Variants in EYS observed in about 807,000 individuals in gnomAD.
The protein encoded by EYS is protein eyes shut homolog.
EYS carries 250 observed loss-of-function variants against 282.1 expected under a neutral mutation model. That is an observed-to-expected ratio of 0.89 (90% CI 0.80 to 0.98). EYS has a LOEUF of 0.98. Ranked by LOEUF, EYS falls within the 50% of genes least tolerant of loss-of-function variation. The pLI, the probability that EYS is intolerant of heterozygous loss-of-function variation, is 0.00. For missense variants in EYS, 4,016 were observed against 3,709.0 expected, an observed-to-expected ratio of 1.08 and a Z score of -2.15; for synonymous variants, 1,355 against 1,282.9, an observed-to-expected ratio of 1.06 and a Z score of -1.20.
intron 2 of EYS, among the ~76,000 whole-genome samples, chr6:65,621,198 G>C: frequency 6.6e-6 from 1 of 152,136 alleles, no homozygotes; most frequent in Non-Finnish European, 1.5e-5. Flanking sequence ...AAGTCTCTTT[G>C]TAGGTCGCTC....
At chr6:64,634,238 T>A (rs1480688940) in intron 22 of EYS, among the ~76,000 whole-genome samples, 3 of 152,176 alleles carry the variant, frequency 2.0e-5, no homozygotes, top group Admixed American at 6.5e-5. Context: ...TGCCTTGGCC[T>A]CCCAAAGTGT....
rs567616164 is a variant in EYS, at chr6:64,269,953, C to T, written c.6191+37017G>A. 2.0e-5 allele frequency among the ~76,000 whole-genome samples: 3 copies of T among 152,046 alleles called. No homozygotes were observed. The South Asian group carries it at 6.2e-4, about 31-fold the overall frequency. ...TTTTTTAAAAAGCTCTGTTATAATT[C>T]TTTACAAAGGTCCAAAAGAAAACAT... On this transcript the variant is annotated intron_variant, in intron 30 of 42. Coordinates refer to ENST00000503581, the MANE Select transcript of EYS (RefSeq NM_001142800.2).
chr6:63,893,531 A>C (rs1773460089), intron 35 of EYS, among the ~76,000 whole-genome samples: 1 of 152,138 alleles, frequency 6.6e-6, no homozygotes. Context: ...AACAATGAGG[A>C]CATATGAGCA....
At chr6:64,180,293 G>A (rs1192097294) in intron 31 of EYS, among the ~76,000 whole-genome samples, 1 of 152,076 alleles carries the variant, frequency 6.6e-6, no homozygotes, top group Non-Finnish European at 1.5e-5. Context: ...GAATGCTTGT[G>A]TTTCATACAT....
At chr6:64,291,384 A>G (rs527661995) in intron 30 of EYS, among the ~76,000 whole-genome samples, 1 of 152,238 alleles carries the variant, frequency 6.6e-6, no homozygotes, top group East Asian at 1.9e-4. Flanking sequence ...ATCATATAGG[A>G]TTATATTTGT....
At chr6:64,997,164 T>C (rs760323514) in intron 14 of EYS, among the ~76,000 whole-genome samples, 3 of 152,080 alleles carry the variant, frequency 2.0e-5, no homozygotes, top group Admixed American at 1.3e-4. Flanking sequence ...TGGAAATATG[T>C]AATATGAGAT....
chr6:64,271,392 T>G (rs895129163), intron 30 of EYS, among the ~76,000 whole-genome samples: 1 of 152,210 alleles, frequency 6.6e-6, no homozygotes, highest in Admixed American at 6.5e-5. Flanking sequence ...GTTACAAATA[T>G]GTCCTACCAA....
At chr6:64,386,469 T>C (rs778560612) in intron 29 of EYS, among the ~76,000 whole-genome samples, 9 of 152,102 alleles carry the variant, frequency 5.9e-5, no homozygotes, top group Non-Finnish European at 1.2e-4. Flanking sequence ...ACTTATTCAC[T>C]ACCAGGAGAA....
chr6:65,654,623 G>A (rs1490730595), intron 1 of EYS, among the ~76,000 whole-genome samples: 1 of 151,704 alleles, frequency 6.6e-6, no homozygotes, highest in Non-Finnish European at 1.5e-5. Context: ...GGTGTCAAAA[G>A]GTTACAGAGA....
At chr6:65,698,468 A>C (rs1384987453) in intron 1 of EYS, among the ~76,000 whole-genome samples, 1 of 152,186 alleles carries the variant, frequency 6.6e-6, no homozygotes, top group Non-Finnish European at 1.5e-5. Context: ...TTGAATTATA[A>C]ATCAAAAAGA....
At chr6:64,599,245 C>T (rs983502044) in intron 24 of EYS, among the ~76,000 whole-genome samples, 3 of 151,950 alleles carry the variant, frequency 2.0e-5, no homozygotes, top group Middle Eastern at 3.2e-3. Context: ...AGCTTGGATT[C>T]GGGGGAAGAA....
At chr6:64,600,029 G>A (rs764904650) in intron 24 of EYS, among the ~76,000 whole-genome samples, 9 of 152,008 alleles carry the variant, frequency 5.9e-5, no homozygotes, top group Admixed American at 1.3e-4. Context: ...TCACTCTATT[G>A]ACAGTAACAT....
In EYS at chr6:63,930,333, T is replaced by C. The variant is rs145414585; in HGVS notation, c.7055+54050A>G. 1.8e-3 allele frequency among the ~76,000 whole-genome samples: 225 copies of C among 122,838 alleles called. 3 individuals carry two copies. The highest frequency in any genetic ancestry group is 6.6e-3 in the African/African-American group (216 of 32,798). The allele number at this position is 122,838 out of a possible 152,430, so 80.6% of individuals were successfully genotyped here. A position where few individuals can be genotyped will look rare whatever the true frequency, so the allele number is the denominator to read the frequency against. ...AGTGTCAAGGTTGATCACGTTTACA[T>C]TCAGTTTTGTAACCTTGATTCAGTT... On this transcript the variant is annotated intron_variant, in intron 35 of 42. Coordinates refer to ENST00000503581, the MANE Select transcript of EYS (RefSeq NM_001142800.2).
At chr6:64,950,513 C>T (rs539267977) in intron 14 of EYS, among the ~76,000 whole-genome samples, 2 of 151,156 alleles carry the variant, frequency 1.3e-5, no homozygotes, top group South Asian at 4.2e-4. Flanking sequence ...ATTTAAAATA[C>T]ATTATATAGT....
chr6:64,168,647 GA>G (rs1425436625), intron 31 of EYS, among the ~76,000 whole-genome samples: 1 of 152,150 alleles, frequency 6.6e-6, no homozygotes, highest in African/African-American at 2.4e-5. Context: ...AGCCAGATAT[GA>G]AATACCACAT....
intron 19 of EYS, among the ~76,000 whole-genome samples, chr6:64,827,520 T>A (rs189443091): frequency 4.0e-5 from 6 of 151,858 alleles, no homozygotes; most frequent in Admixed American, 3.3e-4. Flanking sequence ...ACTGAACACA[T>A]CTAAATTGTG....
chr6:63,750,103 A>G (rs1274851408), intron 41 of EYS, among the ~76,000 whole-genome samples: 1 of 152,090 alleles, frequency 6.6e-6, no homozygotes, highest in Non-Finnish European at 1.5e-5. Flanking sequence ...TCTGTTTTTT[A>G]ATATAGTTTA....
intron 12 of EYS, among the ~76,000 whole-genome samples, chr6:65,130,383 T>C (rs572774198): frequency 6.6e-6 from 1 of 152,046 alleles, no homozygotes; most frequent in South Asian, 2.1e-4. Context: ...CATACATATT[T>C]GAAATATTTA....
chr6:64,099,559 C>T lies in EYS; in HGVS notation c.6425-17557G>A, dbSNP rs11961165. Among the ~76,000 whole-genome samples the T allele has an allele frequency of 5.3e-3, 813 of 152,158 alleles. 5 individuals carry two copies. Among genetic ancestry groups the T allele is most frequent in the African/African-American group, 0.018 (744 of 41,522 alleles). On this transcript the variant is annotated intron_variant, in intron 31 of 42. Transcript: ENST00000503581. ...TTTGCCAAGTATTCTGTTTGATGAT[C>T]TTCCATGTTGATGATATCTTGTTGA...
Sources: gnomAD v4.1 joint callset for allele counts (sites outside exome capture counted in the v4.1 genomes callset) on GRCh38, gnomAD v4.1.1 for gene constraint, MANE v1.5 for transcripts, NCBI Gene and HGNC (gene_info 2026-07-23, HGNC 2026-07-21) for gene names.